The following FRRS1 variants were observed in gnomAD, a reference collection of about 807,000 sequenced individuals.
FRRS1 encodes ferric chelate reductase 1.
FRRS1 carries 51 observed loss-of-function variants against 70.7 expected under a neutral mutation model. The ratio of observed to expected loss-of-function variants is 0.72; its 90% CI spans 0.58 to 0.91. The LOEUF (loss-of-function observed/expected upper bound fraction) is 0.91. Ranked by LOEUF, FRRS1 falls within the 40% of genes least tolerant of loss-of-function variation. The probability of loss-of-function intolerance (pLI) is 0.00; values close to 1 mark genes in which losing one functional copy is unlikely to be tolerated. For missense variants in FRRS1, 672 were observed against 726.0 expected (o/e 0.93, Z 0.86); for synonymous variants, 225 against 238.7 (o/e 0.94, Z 0.53).
rs1656177227 is a variant in FRRS1 at position 99,744,972 on chromosome 1, A to G, written c.333+2322T>C. The stretch of plus-strand genomic sequence containing the variant: ...GCGACAGAGGGAGACTCCGTCTCAA[A>G]AAAAAAAAAAAAAAAAAAAAAAAAA... On this transcript the variant is annotated intron_variant, in intron 4 of 16. Coordinates refer to ENST00000646001, the MANE Select transcript of FRRS1 (RefSeq NM_001361041.2). Among the ~76,000 whole-genome samples, 3 of 42,960 alleles carry G rather than the reference A, an allele frequency of 7.0e-5. No homozygotes were observed. The South Asian group carries it at 2.6e-3, about 38-fold the overall frequency. 28.2% of individuals were successfully genotyped at this position (42,960 alleles called of 152,430 possible). A position where few individuals can be genotyped will look rare whatever the true frequency, so the allele number is the denominator to read the frequency against.
chr1:99,736,132 T>G (rs1425471208), intron 7 of FRRS1, among the ~76,000 whole-genome samples: 1 of 152,184 alleles, frequency 6.6e-6, no homozygotes, highest in Non-Finnish European at 1.5e-5. Flanking sequence ...TGCTTTATAG[T>G]CACATTTTAT....
chr1:99,736,373 T>C (rs78227650), intron 7 of FRRS1, among the ~76,000 whole-genome samples: 99 of 152,288 alleles, frequency 6.5e-4, no homozygotes, highest in African/African-American at 2.4e-3. Flanking sequence ...GTACATGGTA[T>C]CTTTTGTATC....
chr1:99,710,379 A>G (rs1441383861), intron 15 of FRRS1, among the ~76,000 whole-genome samples: 1 of 152,184 alleles, frequency 6.6e-6, no homozygotes, highest in Admixed American at 6.5e-5. Flanking sequence ...CTACATAATT[A>G]TGCACATGAC....
chr1:99,706,143 T>G lies in FRRS1; in HGVS notation c.*2885A>C, dbSNP rs907330581. ...GGCTCATGCCTATAATCCCAACACTTTGGGAGTCTGAGGCAAGGGGATTGC... is the reference window on the plus strand; with the variant it reads ...GGCTCATGCCTATAATCCCAACACTGTGGGAGTCTGAGGCAAGGGGATTGC... On this transcript the variant is annotated 3_prime_UTR_variant, in exon 17 of 17. Coordinates refer to ENST00000646001, the MANE Select transcript of FRRS1 (RefSeq NM_001361041.2). Among the ~76,000 whole-genome samples the G allele has an allele frequency of 1.3e-5, 2 of 151,932 alleles. No homozygotes were observed. The highest frequency in any genetic ancestry group is 4.8e-5 in the African/African-American group (2 of 41,294).
intron 1 of FRRS1, among the ~76,000 whole-genome samples, chr1:99,764,087 C>T (rs912301918): frequency 1.3e-5 from 2 of 152,020 alleles, no homozygotes; most frequent in East Asian, 1.9e-4. Flanking sequence ...TTATTGAGTG[C>T]ATTCTAGGAG....
chr1:99,719,719 C>A (rs774693692), intron 9 of FRRS1, 72 bp from the exon 10 acceptor site: 4 of 837,336 alleles, frequency 4.8e-6, no homozygotes, highest in East Asian at 5.0e-5. Flanking sequence ...AATTGAGATA[C>A]GGGCAGGGCA....
intron 10 of FRRS1, 114 bp downstream of exon 10, chr1:99,719,420 A>C (rs1453502013): frequency 1.6e-6 from 1 of 639,026 alleles, no homozygotes; most frequent in Non-Finnish European, 2.7e-6. Context: ...AAAAAAAAAA[A>C]AAAAAAATGC....
chr1:99,760,237 C>T (rs905822502), intron 1 of FRRS1, among the ~76,000 whole-genome samples: 8 of 152,202 alleles, frequency 5.3e-5, no homozygotes, highest in Non-Finnish European at 8.8e-5. Context: ...TCAATATGTG[C>T]TAATTTCTTC....
chr1:99,750,036 T>A (rs1235429513), intron 1 of FRRS1, among the ~76,000 whole-genome samples: 1 of 152,200 alleles, frequency 6.6e-6, no homozygotes, highest in Non-Finnish European at 1.5e-5. Flanking sequence ...TGTTTTTTAG[T>A]TATGTCAATC....
intron 3 of FRRS1, chr1:99,748,348 A>C (rs1240901401): frequency 1.0e-5 from 4 of 393,234 alleles, no homozygotes; most frequent in South Asian, 4.8e-5. Flanking sequence ...AATTAATAAA[A>C]ATAGTAAATA....
chr1:99,754,938 C>T (rs1281971626), intron 1 of FRRS1, among the ~76,000 whole-genome samples: 2 of 152,074 alleles, frequency 1.3e-5, no homozygotes, highest in South Asian at 2.1e-4. Context: ...GTACCATATA[C>T]CCCACTATTT....
intron 9 of FRRS1, among the ~76,000 whole-genome samples, chr1:99,721,442 G>T (rs1429835242): frequency 1.4e-5 from 2 of 147,722 alleles, no homozygotes; most frequent in Non-Finnish European, 3.0e-5. Flanking sequence ...TAATATAGAA[G>T]ACCATTTTAT....
intron 14 of FRRS1, chr1:99,711,211 G>C (rs1394276178): frequency 4.8e-6 from 2 of 417,734 alleles, no homozygotes; most frequent in African/African-American, 4.0e-5. Context: ...TGGCCTTCTA[G>C]TGAACCCATC....
rs1351377077 is a variant in FRRS1, at chr1:99,708,496, G to C, written c.*532C>G. ...ACCTGTAGTCCCAGCTACTCAGGAG[G>C]CTGAGGCAGGAGAATGGTGTGAACC... On this transcript the variant is annotated 3_prime_UTR_variant, in exon 17 of 17. Transcript: ENST00000646001. The C allele has an allele frequency of 6.7e-6, 1 of 148,556 alleles. No individual in the cohort carries two copies. Among genetic ancestry groups the C allele is most frequent in the African/African-American group, 2.5e-5 (1 of 40,458 alleles). The allele number at this position is 148,556 out of a possible 1,614,324, so 9.2% of individuals were successfully genotyped here. A position where few individuals can be genotyped will look rare whatever the true frequency, so the allele number is the denominator to read the frequency against.
intron 1 of FRRS1, among the ~76,000 whole-genome samples, chr1:99,764,850 T>G (rs934160497): frequency 2.0e-5 from 3 of 152,236 alleles, no homozygotes; most frequent in Non-Finnish European, 4.4e-5. Flanking sequence ...TATAAAACTG[T>G]CTTCCTTTCT....
intron 9 of FRRS1, among the ~76,000 whole-genome samples, chr1:99,727,028 C>T (rs1217903875): frequency 1.3e-5 from 2 of 152,170 alleles, no homozygotes; most frequent in African/African-American, 4.8e-5. Flanking sequence ...TTCCCATGTT[C>T]TAAAGTACTG....
chr1:99,753,639 G>A (rs188428392), intron 1 of FRRS1, among the ~76,000 whole-genome samples: 2 of 151,982 alleles, frequency 1.3e-5, no homozygotes, highest in South Asian at 4.2e-4. Context: ...GGCATTGCGG[G>A]TGGGCACCTG....
At chr1:99,722,419 C>T (rs891212436) in intron 9 of FRRS1, among the ~76,000 whole-genome samples, 3 of 152,112 alleles carry the variant, frequency 2.0e-5, no homozygotes, top group African/African-American at 2.4e-5. Flanking sequence ...CCCACACATT[C>T]GCACACATTC....
At position 99,719,581 on chromosome 1, in the gene FRRS1, G is replaced by A; in HGVS notation, c.1073C>T (p.Pro358Leu). The A allele has an allele frequency of 1.2e-6, 2 of 1,611,260 alleles. No homozygotes were observed. The highest frequency in any genetic ancestry group is 1.7e-6 in the Non-Finnish European group (2 of 1,177,578). ...AGAATGGGATCCTCCTATGTTCTTT[G>A]GAGAGTCTGTCACATCATATTTTTC... ...TYEKYDVTDS[P>L]KNIGGSHSVL... The change falls in exon 10 of 17, where the codon CCA (proline) becomes CTA (leucine). Residue 358 changes from proline to leucine, a missense_variant. Transcript: ENST00000646001.
Sources: gnomAD v4.1 joint callset for allele counts (sites outside exome capture counted in the v4.1 genomes callset) on GRCh38, gnomAD v4.1.1 for gene constraint, MANE v1.5 for transcripts, NCBI Gene and HGNC (gene_info 2026-07-23, HGNC 2026-07-21) for gene names.